Variants in SH3GLB2 observed in about 807,000 individuals in gnomAD.
The protein encoded by SH3GLB2 is SH3 domain containing GRB2 like, endophilin B2.
SH3GLB2 carries 24 observed loss-of-function variants against 48.0 expected under a neutral mutation model. The observed-to-expected ratio is 0.50, with a 90% CI of 0.36 to 0.70. The LOEUF (loss-of-function observed/expected upper bound fraction) is 0.70, where lower values mean the gene tolerates loss of function less well. SH3GLB2 is among the 30% of genes least tolerant of loss of function. SH3GLB2 has a pLI of 0.00. For synonymous variants in SH3GLB2, 227 were observed against 207.6 expected (o/e 1.09, Z -0.80); for missense variants, 425 against 516.0 (o/e 0.82, Z 1.71).
At chr9:129,027,969 C>T in intron 1 of SH3GLB2, 123 bp downstream of exon 1, 2 of 903,460 alleles carry the variant, frequency 2.2e-6, no homozygotes, top group Non-Finnish European at 3.1e-6. Flanking sequence ...AGAGGTGTGC[C>T]GCGGCGGGGA....
chr9:129,023,260 G>A lies in SH3GLB2; in HGVS notation c.64-837C>T, dbSNP rs563831333. On this transcript the variant is annotated intron_variant, in intron 1 of 10. Coordinates refer to ENST00000372564, the MANE Select transcript of SH3GLB2 (RefSeq NM_020145.4). ...ACACTGCCAGCCTATCAGAGCCAGC[G>A]GCTGGGCACACCCAGGGCCCGGATG... Among the ~76,000 whole-genome samples, 6 of 152,238 alleles carry A rather than the reference G, an allele frequency of 3.9e-5. No homozygotes were observed. The South Asian group carries it at 1.2e-3, about 32-fold the overall frequency.
intron 6 of SH3GLB2, 164 bp downstream of exon 6, chr9:129,012,072 T>C (rs979224501): frequency 2.4e-6 from 1 of 418,388 alleles, no homozygotes; most frequent in Non-Finnish European, 4.1e-6. Context: ...TGGACAGAGG[T>C]GGGGGCTGCT....
chr9:129,026,469 G>C (rs1355296536), intron 1 of SH3GLB2, among the ~76,000 whole-genome samples: 2 of 152,194 alleles, frequency 1.3e-5, no homozygotes, highest in Admixed American at 6.5e-5. Context: ...GTCCGAGGCT[G>C]CTCCCGGGAA....
chr9:129,027,575 A>C (rs1455666547), intron 1 of SH3GLB2, among the ~76,000 whole-genome samples: 1 of 152,164 alleles, frequency 6.6e-6, no homozygotes, highest in Non-Finnish European at 1.5e-5. Context: ...CCCGTGGAGC[A>C]GAAAAGAAAC....
chr9:129,015,865 CT>C (rs1228027339), intron 3 of SH3GLB2: 4 of 336,472 alleles, frequency 1.2e-5, no homozygotes, highest in East Asian at 9.9e-5. Flanking sequence ...AAGATCCTGT[CT>C]TTAAAAAAAA....
Position 129,028,090 on chromosome 9 carries a change from A to T in SH3GLB2, c.63+2T>A, listed in dbSNP as rs982951643. ...GGCGCACGGCGCGACGCCAGGCCTC[A>T]CCTGCACCGCCCGGGTGAAGAAGAT... On this transcript the variant is annotated splice_donor_variant, in intron 1 of 10. Coordinates refer to ENST00000372564, the MANE Select transcript of SH3GLB2 (RefSeq NM_020145.4). LOFTEE classifies it high-confidence loss of function. The T allele has an allele frequency of 6.7e-7, 1 of 1,502,806 alleles. No individual in the cohort carries two copies. The highest frequency in any genetic ancestry group is 1.5e-5 in the African/African-American group (1 of 68,496). The allele number at this position is 1,502,806 out of a possible 1,614,324, so 93.1% of individuals were successfully genotyped here.
chr9:129,027,430 T>C (rs1276503509), intron 1 of SH3GLB2, among the ~76,000 whole-genome samples: 1 of 152,140 alleles, frequency 6.6e-6, no homozygotes, highest in Non-Finnish European at 1.5e-5. Context: ...CCCATGATGT[T>C]GAGTTGCCTG....
At position 129,014,913 on chromosome 9, in the gene SH3GLB2, A is replaced by G. The variant is rs1297591719; in HGVS notation, c.335-9T>C. The G allele has an allele frequency of 1.2e-6, 2 of 1,612,526 alleles. No homozygotes were observed. Among genetic ancestry groups the G allele is most frequent in the South Asian group, 2.2e-5 (2 of 90,884 alleles). ...CTTGATCAGTGTCTTCCCTGAGAAA[A>G]CAGAGTTGAAGCGTGAGGAAGAAGG... On this transcript the variant is annotated splice_polypyrimidine_tract_variant and intron_variant, in intron 3 of 10. Transcript: ENST00000372564. This position sits in a 1 kb window ranked among gnomAD's most constrained non-coding sequence, Gnocchi z 4.1.
At position 129,008,807 on chromosome 9, in the gene SH3GLB2, T is replaced by C. The variant is rs2131218157; in HGVS notation, c.1081-16A>G. 1.9e-6 allele frequency: 3 copies of C among 1,610,544 alleles called. No homozygotes were observed. The highest frequency in any genetic ancestry group is 2.5e-6 in the Non-Finnish European group (3 of 1,177,210). ...CAGTGATGAGCTGCAGAGATGGCAG[T>C]AGAGGACGGTCATGGCCTGGCCAAG... On this transcript the variant is annotated splice_polypyrimidine_tract_variant and intron_variant, in intron 10 of 10. Transcript: ENST00000372564.
At position 129,014,713 on chromosome 9, in the gene SH3GLB2, G is replaced by T; in HGVS notation, c.468+58C>A. The T allele has an allele frequency of 1.3e-6, 2 of 1,582,374 alleles. No individual in the cohort carries two copies. The highest frequency in any genetic ancestry group is 1.4e-5 in the African/African-American group (1 of 73,894). On this transcript the variant is annotated intron_variant, in intron 4 of 10. Coordinates refer to ENST00000372564, the MANE Select transcript of SH3GLB2 (RefSeq NM_020145.4). The surrounding 1 kb of genome is among the most constrained non-coding windows in gnomAD (Gnocchi z 4.1). ...ACTGGAAGAGAGCCTGTACTCAAAG[G>T]CTCTGAGGAGGGAACTGCCATGGTT...
In SH3GLB2 at chr9:129,009,839, G is replaced by C. The variant is rs1366860678; in HGVS notation, c.771C>G (p.Val257=). 6.2e-7 allele frequency: 1 copy of C among 1,614,012 alleles called. No individual in the cohort carries two copies. Among genetic ancestry groups the C allele is most frequent in the Admixed American group, 1.7e-5 (1 of 59,986 alleles). The change falls in exon 9 of 11, where the codon GTC becomes GTG. Residue 257 remains valine (V), a synonymous_variant. Transcript: ENST00000372564. ...GTGCGTAGTAGGTTGTCTGAGACTTGACGAACTCGTGGAGGCAGCGCAGGT... is the reference window on the plus strand; with the variant it reads ...GTGCGTAGTAGGTTGTCTGAGACTTCACGAACTCGTGGAGGCAGCGCAGGT... ...VNHLRCLHEF[V]KSQTTYYAQC...
intron 10 of SH3GLB2, 106 bp from the exon 11 acceptor site, chr9:129,008,897 G>T (rs993643820): frequency 2.5e-5 from 32 of 1,290,658 alleles, no homozygotes; most frequent in African/African-American, 4.4e-5. Context: ...CGTGGCATGT[G>T]CTACACCTTC....
At chr9:129,017,177 T>C (rs1408983637) in intron 3 of SH3GLB2, among the ~76,000 whole-genome samples, 4 of 152,004 alleles carry the variant, frequency 2.6e-5, no homozygotes, top group Non-Finnish European at 5.9e-5. Context: ...CTTGAACTCC[T>C]GACCTCAGGT....
rs1282511292 is a variant in SH3GLB2, at chr9:129,014,075, A to G, written c.561+336T>C. 9 of 556,896 alleles carry G rather than the reference A, an allele frequency of 1.6e-5. No homozygotes were observed. In the Admixed American group the frequency reaches 2.0e-4, roughly 12 times the overall value. The allele number at this position is 556,896 out of a possible 1,614,324, so 34.5% of individuals were successfully genotyped here. A position where few individuals can be genotyped will look rare whatever the true frequency, so the allele number is the denominator to read the frequency against. On this transcript the variant is annotated intron_variant, in intron 5 of 10. Transcript: ENST00000372564. The surrounding 1 kb of genome is among the most constrained non-coding windows in gnomAD (Gnocchi z 4.1). ...GTAGTAGAGTTAGTAAGAAGGTGCC[A>G]TGCCCGGGCAGAGCCGGGGACAGAG...
At chr9:129,010,279 G>A (rs1055886248) in intron 7 of SH3GLB2, 70 bp from the exon 8 acceptor site, 3 of 1,359,976 alleles carry the variant, frequency 2.2e-6, no homozygotes, top group African/African-American at 2.9e-5. Flanking sequence ...TTCTCCTGGA[G>A]CCTACCTGGG....
intron 5 of SH3GLB2, chr9:129,012,918 C>G (rs1185422836): frequency 3.3e-6 from 5 of 1,515,794 alleles, no homozygotes; most frequent in Non-Finnish European, 3.6e-6. Flanking sequence ...GCAAAATGCC[C>G]CAAGGACGTG....
chr9:129,017,542 T>C (rs1056306446), intron 3 of SH3GLB2, among the ~76,000 whole-genome samples: 9 of 152,004 alleles, frequency 5.9e-5, no homozygotes, highest in African/African-American at 2.2e-4. Context: ...GGCAGGCGGA[T>C]CACTTGAGAT....
rs17508202 is a variant in SH3GLB2, at chr9:129,014,858, G to T, written c.381C>A (p.Ala127=). Residue 127 remains alanine (A), a synonymous_variant, in exon 4 of 11, where the codon GCC becomes GCA. Transcript: ENST00000372564. This position sits in a 1 kb window ranked among gnomAD's most constrained non-coding sequence, Gnocchi z 4.1. ...KVAEAEKQLG[A]AERDFIHTAS... ...CCGTGTGGATAAAATCCCTCTCCGC[G>T]GCTCCCAGTTGCTTTTCAGCTTCTG... 2 of 1,614,002 alleles carry T rather than the reference G, an allele frequency of 1.2e-6. No homozygotes were observed. Among genetic ancestry groups the T allele is most frequent in the Non-Finnish European group, 1.7e-6 (2 of 1,180,022 alleles).
rs369154380 is a variant in SH3GLB2 at position 129,010,701 on chromosome 9, G to A, written c.625-8C>T. 1.2e-6 allele frequency: 2 copies of A among 1,613,842 alleles called. No homozygotes were observed. The highest frequency in any genetic ancestry group is 2.7e-5 in the African/African-American group (2 of 74,888). On this transcript the variant is annotated splice_polypyrimidine_tract_variant and splice_region_variant and intron_variant, in intron 6 of 10. Coordinates refer to ENST00000372564, the MANE Select transcript of SH3GLB2 (RefSeq NM_020145.4). ...CACTTCATCATTCCAGAGCTGTGGA[G>A]ACGGCAGCAGGAGTGGCCAGCAGGG...
Sources: gnomAD v4.1 joint callset for allele counts (sites outside exome capture counted in the v4.1 genomes callset) on GRCh38, gnomAD v4.1.1 for gene constraint, Gnocchi (gnomAD v3.1) non-coding constraint, MANE v1.5 for transcripts, NCBI Gene and HGNC (gene_info 2026-07-23, HGNC 2026-07-21) for gene names.